Variants in KCNQ5 observed in about 807,000 individuals in gnomAD.
The protein encoded by KCNQ5 is potassium voltage-gated channel subfamily KQT member 5.
KCNQ5 carries 30 observed loss-of-function variants against 98.2 expected under a neutral mutation model. The ratio of observed to expected loss-of-function variants is 0.31; its 90% CI spans 0.23 to 0.41. The LOEUF is 0.41. Among genes scored for constraint, KCNQ5 ranks in the 10% least tolerant of loss-of-function variants. The probability of loss-of-function intolerance (pLI) is 1.00; values close to 1 mark genes in which losing one functional copy is unlikely to be tolerated. For synonymous variants in KCNQ5, 458 were observed against 449.4 expected, an observed-to-expected ratio of 1.02 and a Z score of -0.24; for missense variants, 835 against 1,182.5, an observed-to-expected ratio of 0.71 and a Z score of 4.31.
intron 1 of KCNQ5, among the ~76,000 whole-genome samples, chr6:72,845,589 A>G (rs928939861): frequency 6.6e-6 from 1 of 152,214 alleles, no homozygotes; most frequent in Non-Finnish European, 1.5e-5. Context: ...TCAGAGTCAG[A>G]GCATATATGA....
intron 1 of KCNQ5, among the ~76,000 whole-genome samples, chr6:72,775,268 A>G (rs1773106481): frequency 2.0e-5 from 3 of 152,170 alleles, no homozygotes; most frequent in Admixed American, 2.0e-4. Context: ...ACCTCCCCCA[A>G]AAAATATTGA....
At chr6:73,087,577 C>T (rs1037520044) in intron 5 of KCNQ5, among the ~76,000 whole-genome samples, 1 of 151,800 alleles carries the variant, frequency 6.6e-6, no homozygotes, top group East Asian at 1.9e-4. Context: ...TCTATGAGAA[C>T]ATTTAAGATC....
At chr6:72,797,943 A>G (rs1774427686) in intron 1 of KCNQ5, among the ~76,000 whole-genome samples, 1 of 152,200 alleles carries the variant, frequency 6.6e-6, no homozygotes, top group Admixed American at 6.5e-5. Flanking sequence ...CATGTGTAAG[A>G]TGCTAAACCA....
chr6:73,089,905 C>T (rs1297445531), intron 5 of KCNQ5, among the ~76,000 whole-genome samples: 1 of 152,072 alleles, frequency 6.6e-6, no homozygotes, highest in Non-Finnish European at 1.5e-5. Flanking sequence ...CATATAATGA[C>T]TTCTTTTCCT....
intron 3 of KCNQ5, among the ~76,000 whole-genome samples, chr6:73,056,699 T>A (rs1290474390): frequency 6.6e-6 from 1 of 152,212 alleles, no homozygotes; most frequent in Admixed American, 6.5e-5. Flanking sequence ...GGTCTAGTGT[T>A]CATTTGAGCA....
At chr6:73,067,622 C>T (rs1410970329) in intron 3 of KCNQ5, among the ~76,000 whole-genome samples, 1 of 152,082 alleles carries the variant, frequency 6.6e-6, no homozygotes, top group Non-Finnish European at 1.5e-5. Context: ...CCTTGAAGGG[C>T]TATTATGGAG....
chr6:73,127,644 T>A (rs1359480835), intron 9 of KCNQ5, among the ~76,000 whole-genome samples: 2 of 152,236 alleles, frequency 1.3e-5, no homozygotes, highest in African/African-American at 4.8e-5. Flanking sequence ...TTTGGAATGT[T>A]CTTGTTAAAA....
At chr6:72,711,402 A>G (rs955297300) in intron 1 of KCNQ5, among the ~76,000 whole-genome samples, 6 of 152,202 alleles carry the variant, frequency 3.9e-5, no homozygotes, top group African/African-American at 1.4e-4. Flanking sequence ...CTGATAAAAA[A>G]GAGTTAACCC....
intron 1 of KCNQ5, among the ~76,000 whole-genome samples, chr6:72,640,234 C>G (rs568223089): frequency 6.6e-6 from 1 of 151,890 alleles, no homozygotes; most frequent in East Asian, 1.9e-4. Flanking sequence ...CATGTGTGAC[C>G]TTGACCTTGG....
At chr6:72,699,243 A>C (rs941800208) in intron 1 of KCNQ5, among the ~76,000 whole-genome samples, 2 of 152,146 alleles carry the variant, frequency 1.3e-5, no homozygotes, top group African/African-American at 4.8e-5. Context: ...AATAGCTTTT[A>C]TGGAAAGGGA....
At chr6:72,854,821 C>A (rs1048330412) in intron 1 of KCNQ5, among the ~76,000 whole-genome samples, 2 of 148,788 alleles carry the variant, frequency 1.3e-5, no homozygotes, top group African/African-American at 5.0e-5. Flanking sequence ...AACTTTATAA[C>A]GCTGGTTGAG....
chr6:72,930,914 G>A (rs927184497), intron 1 of KCNQ5, among the ~76,000 whole-genome samples: 2 of 152,136 alleles, frequency 1.3e-5, no homozygotes, highest in Admixed American at 6.6e-5. Context: ...CAATGATCAT[G>A]TAATTCCTAT....
chr6:73,023,092 C>G (rs1448199782), intron 2 of KCNQ5, among the ~76,000 whole-genome samples: 2 of 152,150 alleles, frequency 1.3e-5, no homozygotes, highest in African/African-American at 4.8e-5. Flanking sequence ...GAAATGGAGG[C>G]TGCTGCATTG....
chr6:72,630,226 T>G (rs1166467403), intron 1 of KCNQ5, among the ~76,000 whole-genome samples: 2 of 152,214 alleles, frequency 1.3e-5, no homozygotes, highest in Non-Finnish European at 2.9e-5. Context: ...CTCTTGATAA[T>G]ATAGAGCTTA....
At chr6:72,757,758 T>G (rs1441478447) in intron 1 of KCNQ5, among the ~76,000 whole-genome samples, 1 of 152,146 alleles carries the variant, frequency 6.6e-6, no homozygotes, top group Non-Finnish European at 1.5e-5. Context: ...ATTATTTTAC[T>G]TTTCAGAATT....
chr6:72,922,810 C>CTT (rs369263359), intron 1 of KCNQ5, among the ~76,000 whole-genome samples: 35 of 103,828 alleles, frequency 3.4e-4, no homozygotes, highest in Non-Finnish European at 4.4e-4. Context: ...TTTTCTTTTT[C>CTT]TTTTTTTTTT....
chr6:72,673,599 C>A (rs779347992), intron 1 of KCNQ5, among the ~76,000 whole-genome samples: 9 of 151,520 alleles, frequency 5.9e-5, no homozygotes, highest in African/African-American at 7.3e-5. Context: ...AAGGCAGTGA[C>A]CCATGGGGAG....
rs948216605 is a variant in KCNQ5 at position 72,852,636 on chromosome 6, G to A, written c.399-151272G>A. On this transcript the variant is annotated intron_variant, in intron 1 of 13. Transcript: ENST00000370398. ...GGGCAGTGGAGAGAAGGAGATGAAG[G>A]GGAAATATATATATATATATATATA... Among the ~76,000 whole-genome samples the A allele has an allele frequency of 5.8e-4, 15 of 25,934 alleles. 1 individual carries two copies. The highest frequency in any genetic ancestry group is 2.5e-3 in the African/African-American group (13 of 5,270). 17.0% of individuals were successfully genotyped at this position (25,934 alleles called of 152,430 possible).
chr6:72,973,979 G>A (rs528517746), intron 1 of KCNQ5, among the ~76,000 whole-genome samples: 141 of 152,124 alleles, frequency 9.3e-4, no homozygotes, highest in African/African-American at 3.4e-3. Context: ...CTGACATAAA[G>A]GTACATTTAT....
Sources: allele counts gnomAD v4.1 joint callset (sites outside exome capture counted in the v4.1 genomes callset), GRCh38; gene constraint gnomAD v4.1.1; transcripts MANE v1.5; gene names NCBI Gene and HGNC (gene_info 2026-07-23, HGNC 2026-07-21).